FANCG: variants seen among roughly 807,000 people sequenced by gnomAD.
FANCG encodes the protein Fanconi anemia group G protein.
FANCG carries 67 observed loss-of-function variants against 73.3 expected under a neutral mutation model. The ratio of observed to expected loss-of-function variants is 0.91; its 90% confidence interval spans 0.75 to 1.12. The LOEUF is 1.12. FANCG is among the 50% of genes most tolerant of loss of function. The probability of loss-of-function intolerance (pLI) is 0.00; values close to 1 mark genes in which losing one functional copy is unlikely to be tolerated. For synonymous variants in FANCG, 297 were observed against 311.6 expected, an observed-to-expected ratio of 0.95 and a Z score of 0.49; for missense variants, 643 against 735.6, an observed-to-expected ratio of 0.87 and a Z score of 1.46.
At chr9:35,076,216 A>C in intron 8 of FANCG, 188 bp from the exon 9 acceptor site, 1 of 793,692 alleles carries the variant, frequency 1.3e-6, no homozygotes, top group South Asian at 1.4e-5. Context: ...TGGACTGGGG[A>C]AGAGACTTCA....
At position 35,078,184 on chromosome 9, in the gene FANCG, A is replaced by G; in HGVS notation, c.467T>C (p.Leu156Pro). Residue 156 changes from leucine (L) to proline (P), a missense_variant, in exon 4 of 14, where the codon CTT becomes CCT. Transcript: ENST00000378643. ...CTCTAGTAACAAGGCCAGGTCCCCA[A>G]GACGGTCAGCACTCAACCAGAGGGC... The part of the protein sequence containing the change: ...QAALWLSADR[L>P]GDLALLLETL... 1.9e-6 allele frequency: 3 copies of G among 1,614,198 alleles called. No individual in the cohort carries two copies. The highest frequency in any genetic ancestry group is 1.7e-6 in the Non-Finnish European group (2 of 1,180,042).
chr9:35,075,307 G>C lies in FANCG; in HGVS notation c.1452C>G (p.Phe484Leu), dbSNP rs1340313681. 1 of 1,614,174 alleles carries C rather than the reference G, an allele frequency of 6.2e-7. No individual in the cohort carries two copies. Among genetic ancestry groups the C allele is most frequent in the Admixed American group, 1.7e-5 (1 of 60,030 alleles). ...GTTCTTTTTCCTCAGGTGTGGCCCG[G>C]AAGAGCAGCTCGAGGCACCTGAAGT... ...SEFSRCLELLFRATPEEKEQG... is the reference protein window; with the variant it reads ...SEFSRCLELLLRATPEEKEQG... Residue 484 changes from phenylalanine to leucine, a missense_variant, in exon 11 of 14, where the codon TTC (phenylalanine) becomes TTG (leucine). Physicochemically the swap from Phe to Leu is conservative, Grantham distance 22. Coordinates refer to ENST00000378643, the MANE Select transcript of FANCG (RefSeq NM_004629.2).
chr9:35,075,764 G>T lies in FANCG; in HGVS notation c.1144-10C>A, dbSNP rs1159181079. 2.5e-6 allele frequency: 4 copies of T among 1,578,170 alleles called. No homozygotes were observed. In the African/African-American group the frequency reaches 5.4e-5, roughly 21 times the overall value. The stretch of plus-strand genomic sequence containing the variant: ...AGGGGGGTGGGGAGAACTGGAGTGG[G>T]AAGAAGAAGCAGTGTCTTGAAAGGC... On this transcript the variant is annotated splice_polypyrimidine_tract_variant and intron_variant, in intron 9 of 13. Coordinates refer to ENST00000378643, the MANE Select transcript of FANCG (RefSeq NM_004629.2).
intron 12 of FANCG, 177 bp downstream of exon 12, chr9:35,074,750 C>G (rs1222751610): frequency 2.2e-6 from 2 of 900,508 alleles, no homozygotes; most frequent in Non-Finnish European, 3.5e-6. Flanking sequence ...CTTGGGAGCC[C>G]TGCATACACA....
Position 35,079,630 on chromosome 9 carries a change from C to G in FANCG, c.-106G>C. 9.0e-7 allele frequency: 1 copy of G among 1,105,526 alleles called. No homozygotes were observed. The highest frequency in any genetic ancestry group is 2.4e-5 in the East Asian group (1 of 42,172). The allele number at this position is 1,105,526 out of a possible 1,614,324, so 68.5% of individuals were successfully genotyped here. A position where few individuals can be genotyped will look rare whatever the true frequency, so the allele number is the denominator to read the frequency against. ...GGGAGGGGCCTGGGCACTTCTGCACCCCGCCGAGCTCCCCTGCTTCTCTCG... is the reference window on the plus strand; with the variant it reads ...GGGAGGGGCCTGGGCACTTCTGCACGCCGCCGAGCTCCCCTGCTTCTCTCG... On this transcript the variant is annotated 5_prime_UTR_variant, in exon 1 of 14. Transcript: ENST00000378643.
In FANCG at chr9:35,074,981, C is replaced by T. The variant is rs747123733; in HGVS notation, c.1582G>A (p.Gly528Ser). 4.2e-5 allele frequency: 67 copies of T among 1,614,060 alleles called. No individual in the cohort carries two copies. The highest frequency in any genetic ancestry group is 4.9e-5 in the Non-Finnish European group (58 of 1,180,028). Residue 528 changes from glycine (G) to serine (S), a missense_variant, in exon 12 of 14, where the codon GGC becomes AGC. Gly to Ser is a moderately conservative substitution (Grantham distance 56). Transcript: ENST00000378643. ...TCCTGTAAGGCTTTGGTATCCTGGC[C>T]GCTGGCTACCCATTCCAGTCCACGA... ...ISRGLEWVASGQDTKALQDFL... is the reference protein window; with the variant it reads ...ISRGLEWVASSQDTKALQDFL...
intron 12 of FANCG, 122 bp downstream of exon 12, chr9:35,074,805 C>T: frequency 7.8e-7 from 1 of 1,283,460 alleles, no homozygotes. Context: ...GTATATATAG[C>T]ACAACCCCAA....
rs772706322 is a variant in FANCG, at chr9:35,076,913, G to A, written c.778-43C>T. The stretch of plus-strand genomic sequence containing the variant: ...CACGGGCCTCAGCTACCCTTACAAA[G>A]CAAAAAGCTATACATAATGCTTGTG... On this transcript the variant is annotated intron_variant, in intron 6 of 13. Transcript: ENST00000378643. 1.7e-5 allele frequency: 28 copies of A among 1,614,174 alleles called. No homozygotes were observed. In the South Asian group the frequency reaches 2.9e-4, roughly 16 times the overall value.
rs984958735 is a variant in FANCG at position 35,076,506 on chromosome 9, T to A, written c.1002A>T (p.Leu334=). ...GAGTGCCACAATGAAGGGGTGAGGCTAGGTCAGGTGGTGGCAGTAGTAATT... is the reference window on the plus strand; with the variant it reads ...GAGTGCCACAATGAAGGGGTGAGGCAAGGTCAGGTGGTGGCAGTAGTAATT... The part of the protein sequence containing the change: ...EVELLLPPPD[L]ASPLHCGTQS... The change falls in exon 8 of 14, where the codon CTA becomes CTT. Residue 334 remains leucine, a synonymous_variant. Coordinates refer to ENST00000378643, the MANE Select transcript of FANCG (RefSeq NM_004629.2). 1.2e-6 allele frequency: 2 copies of A among 1,613,990 alleles called. No individual in the cohort carries two copies. Among genetic ancestry groups the A allele is most frequent in the Non-Finnish European group, 1.7e-6 (2 of 1,180,016 alleles).
At chr9:35,077,122 A>G in intron 5 of FANCG, 21 bp from the exon 6 acceptor site, 1 of 1,614,122 alleles carries the variant, frequency 6.2e-7, no homozygotes, top group Non-Finnish European at 8.5e-7. Flanking sequence ...TCAGGGTGTG[A>G]GCTTGGAGAG....
rs757418016 is a variant in FANCG, at chr9:35,075,739, A to AG, written c.1158dup (p.Ser387LeufsTer9). Reference sequence around the variant, plus strand: ...TCAGGCATACAGGGCCCTGGAGGGGAGGGGGGTGGGGAGAACTGGAGTGGG... The same window carrying AG: ...TCAGGCATACAGGGCCCTGGAGGGGAGGGGGGGTGGGGAGAACTGGAGTGGG... On this transcript the variant is annotated frameshift_variant, in exon 10 of 14. Coordinates refer to ENST00000378643, the MANE Select transcript of FANCG (RefSeq NM_004629.2). LOFTEE classifies it high-confidence loss of function. 38 of 567,214 alleles carry AG rather than the reference A, an allele frequency of 6.7e-5. No homozygotes were observed. The highest frequency in any genetic ancestry group is 1.1e-4 in the Non-Finnish European group (34 of 311,510). 35.1% of individuals were successfully genotyped at this position (567,214 alleles called of 1,614,324 possible).
rs375757497 is a variant in FANCG at position 35,075,742 on chromosome 9, G to A, written c.1156C>T (p.Pro386Ser). 5 of 576,748 alleles carry A rather than the reference G, an allele frequency of 8.7e-6. No homozygotes were observed. The highest frequency in any genetic ancestry group is 2.1e-5 in the Admixed American group (1 of 47,540). The allele number at this position is 576,748 out of a possible 1,614,324, so 35.7% of individuals were successfully genotyped here. ...DSSEPRFSPP[P>S]SPPGPCMPEV... is the part of the protein sequence containing the mutation. ...GGCATACAGGGCCCTGGAGGGGAGG[G>A]GGGTGGGGAGAACTGGAGTGGGAAG... The change falls in exon 10 of 14, where the codon CCC becomes TCC. Residue 386 changes from proline to serine, a missense_variant. Pro to Ser is a moderately conservative substitution (Grantham distance 74). Transcript: ENST00000378643.
intron 2 of FANCG, 96 bp from the exon 3 acceptor site, chr9:35,078,832 G>T: frequency 6.6e-7 from 1 of 1,510,498 alleles, no homozygotes; most frequent in Non-Finnish European, 9.1e-7. Flanking sequence ...AACCAAAACA[G>T]CTACAATAAA....
chr9:35,079,241 C>T lies in FANCG; in HGVS notation c.85G>A (p.Val29Met). The change falls in exon 2 of 14, where the codon GTG becomes ATG. Residue 29 changes from valine to methionine, a missense_variant and splice_region_variant. Transcript: ENST00000378643. ...AGAGTCAGACCGGAGTTCTGAGCCA[C>T]CTGCCACATGAGGGAGGGGTTGTCA... ...KNDRLVRQAK[V>M]AQNSGLTLRR... The T allele has an allele frequency of 6.2e-7, 1 of 1,607,002 alleles. No individual in the cohort carries two copies. Among genetic ancestry groups the T allele is most frequent in the Non-Finnish European group, 8.5e-7 (1 of 1,176,972 alleles).
In FANCG at chr9:35,075,657, A is replaced by G; in HGVS notation, c.1241T>C (p.Leu414Ser). Reference protein sequence around the residue: ...LIQAGRAQDALTLCEELLSRT... With the variant: ...LIQAGRAQDASTLCEELLSRT... ...GCTGAGCAACTCCTCACATAGAGTC[A>G]AGGCATCTTGGGCTCTGCCTGCCTG... The change falls in exon 10 of 14, where the codon TTG becomes TCG. Residue 414 changes from leucine to serine, a missense_variant. Leu to Ser is a moderately radical substitution (Grantham distance 145, BLOSUM62 -2). Transcript: ENST00000378643. The G allele has an allele frequency of 6.2e-7, 1 of 1,603,440 alleles. No individual in the cohort carries two copies. The highest frequency in any genetic ancestry group is 8.5e-7 in the Non-Finnish European group (1 of 1,174,426).
intron 2 of FANCG, 67 bp downstream of exon 2, chr9:35,079,084 C>T (rs950081095): frequency 1.0e-5 from 14 of 1,368,886 alleles, no homozygotes; most frequent in Admixed American, 5.9e-5. Flanking sequence ...ATCCCAAAAA[C>T]GCAGGAGCGG....
intron 8 of FANCG, chr9:35,076,230 T>G: frequency 1.3e-6 from 1 of 789,170 alleles, no homozygotes; most frequent in Non-Finnish European, 2.2e-6. Context: ...GACTTCAGAG[T>G]GTCAAAGATA....
chr9:35,077,171 A>G, intron 5 of FANCG, 70 bp from the exon 6 acceptor site: 1 of 1,613,902 alleles, frequency 6.2e-7, no homozygotes, highest in Non-Finnish European at 8.5e-7. Flanking sequence ...ACAAGGGTCT[A>G]AGAAGCCCAT....
chr9:35,076,259 G>T (rs1251107670), intron 8 of FANCG, 173 bp downstream of exon 8: 1 of 816,726 alleles, frequency 1.2e-6, no homozygotes, highest in East Asian at 2.6e-5. Flanking sequence ...TAATGTCTTA[G>T]AGAAGAGTCC....
Sources: gnomAD v4.1 joint callset for allele counts on GRCh38, gnomAD v4.1.1 for gene constraint, MANE v1.5 for transcripts, NCBI Gene and HGNC (gene_info 2026-07-23, HGNC 2026-07-21) for gene names.